Variants in SWAP70 observed in about 807,000 individuals in gnomAD.
SWAP70 encodes the protein switch-associated protein 70.
In SWAP70, 34 loss-of-function variants were observed where a neutral mutation model predicts 80.2. The ratio of observed to expected loss-of-function variants is 0.42; its 90% CI spans 0.32 to 0.56. The LOEUF (loss-of-function observed/expected upper bound fraction) is 0.56, where lower values mean the gene tolerates loss of function less well. Ranked by LOEUF, SWAP70 falls within the 20% of genes least tolerant of loss-of-function variation. SWAP70 has a pLI of 0.09. For missense variants in SWAP70, 578 were observed against 690.7 expected, an observed-to-expected ratio of 0.84 and a Z score of 1.83; for synonymous variants, 239 against 238.5, an observed-to-expected ratio of 1.00 and a Z score of -0.02.
chr11:9,715,628 C>T (rs1335869920), intron 3 of SWAP70, among the ~76,000 whole-genome samples: 1 of 152,206 alleles, frequency 6.6e-6, no homozygotes, highest in Non-Finnish European at 1.5e-5. Flanking sequence ...AAGCATGTCT[C>T]ACATGGTGGC....
Position 9,752,962 on chromosome 11 carries a change from C to A in SWAP70, c.*2992C>A, listed in dbSNP as rs1047180936. 1 of 151,954 alleles carries A rather than the reference C, an allele frequency of 6.6e-6. No homozygotes were observed. The highest frequency in any genetic ancestry group is 2.4e-5 in the African/African-American group (1 of 41,344). 9.4% of individuals were successfully genotyped at this position (151,954 alleles called of 1,614,324 possible). The stretch of plus-strand genomic sequence containing the variant: ...AAAATACCAGAACATACACTTTAAA[C>A]TGTCTGATTTAATAAAACAGTGGGG... On this transcript the variant is annotated 3_prime_UTR_variant, in exon 12 of 12. Coordinates refer to ENST00000318950, the MANE Select transcript of SWAP70 (RefSeq NM_015055.4).
chr11:9,704,257 G>A (rs1195706540), intron 2 of SWAP70, among the ~76,000 whole-genome samples: 2 of 151,950 alleles, frequency 1.3e-5, no homozygotes, highest in Non-Finnish European at 2.9e-5. Flanking sequence ...CAAACACACT[G>A]GTCAATTTAT....
intron 2 of SWAP70, among the ~76,000 whole-genome samples, chr11:9,698,329 G>A (rs1850787678): frequency 1.3e-5 from 2 of 152,010 alleles, no homozygotes; most frequent in South Asian, 4.1e-4. Flanking sequence ...TTAAACTCCT[G>A]ACCTCAGGTG....
chr11:9,732,329 C>T (rs1472015641), intron 6 of SWAP70, among the ~76,000 whole-genome samples, 200 bp from the exon 7 acceptor site: 1 of 151,984 alleles, frequency 6.6e-6, no homozygotes, highest in Non-Finnish European at 1.5e-5. Context: ...GAGGTTATTT[C>T]TTGAGGGGAG....
intron 1 of SWAP70, among the ~76,000 whole-genome samples, chr11:9,690,000 G>A (rs1222756698): frequency 6.6e-6 from 1 of 152,192 alleles, no homozygotes; most frequent in African/African-American, 2.4e-5. Flanking sequence ...AGCAAAGCAT[G>A]GAAAGGACAC....
At position 9,751,721 on chromosome 11, in the gene SWAP70, T is replaced by C. The variant is rs1342036123; in HGVS notation, c.*1751T>C. The C allele has an allele frequency of 6.6e-6, 1 of 152,240 alleles. No individual in the cohort carries two copies. Among genetic ancestry groups the C allele is most frequent in the African/African-American group, 2.4e-5 (1 of 41,464 alleles). 9.4% of individuals were successfully genotyped at this position (152,240 alleles called of 1,614,324 possible). A position where few individuals can be genotyped will look rare whatever the true frequency, so the allele number is the denominator to read the frequency against. On this transcript the variant is annotated 3_prime_UTR_variant, in exon 12 of 12. Coordinates refer to ENST00000318950, the MANE Select transcript of SWAP70 (RefSeq NM_015055.4). ...AACTGGAATATAATCCCATAAATTA[T>C]CACCTTTTATGACTGGAAAATATTT...
intron 9 of SWAP70, among the ~76,000 whole-genome samples, chr11:9,746,487 G>C (rs1444702604): frequency 6.6e-6 from 1 of 152,228 alleles, no homozygotes; most frequent in Non-Finnish European, 1.5e-5. Flanking sequence ...ACTCTGCACT[G>C]GTCAGACCAC....
At chr11:9,706,354 C>T (rs1295840606) in intron 2 of SWAP70, among the ~76,000 whole-genome samples, 1 of 148,440 alleles carries the variant, frequency 6.7e-6, no homozygotes, top group Non-Finnish European at 1.5e-5. Context: ...GATCTGTATA[C>T]ACTGGTGATC....
At chr11:9,668,989 A>G (rs895510771) in intron 1 of SWAP70, among the ~76,000 whole-genome samples, 3 of 152,214 alleles carry the variant, frequency 2.0e-5, no homozygotes, top group Non-Finnish European at 4.4e-5. Context: ...CTCTCTCCAG[A>G]TAGAGATTAT....
intron 1 of SWAP70, among the ~76,000 whole-genome samples, chr11:9,687,152 G>C (rs1005107485): frequency 1.3e-5 from 2 of 152,194 alleles, no homozygotes; most frequent in Non-Finnish European, 2.9e-5. Context: ...ATTCCGTGTA[G>C]AAATAAGGAA....
At chr11:9,738,353 A>C (rs750663994) in intron 8 of SWAP70, 33 bp downstream of exon 8, 49 of 1,528,748 alleles carry the variant, frequency 3.2e-5, no homozygotes, top group Middle Eastern at 1.7e-4. Context: ...AAGCAGCTGC[A>C]GTAGCTCAGC....
At chr11:9,729,615 C>T (rs1281978935) in intron 6 of SWAP70, among the ~76,000 whole-genome samples, 164 bp downstream of exon 6, 1 of 152,080 alleles carries the variant, frequency 6.6e-6, no homozygotes, top group Non-Finnish European at 1.5e-5. Context: ...TATCCTGTCT[C>T]AGCCTCCAGA....
In SWAP70 at chr11:9,724,894, T is replaced by C; in HGVS notation, c.642+9T>C. The C allele has an allele frequency of 6.6e-7, 1 of 1,510,810 alleles. No homozygotes were observed. The allele number at this position is 1,510,810 out of a possible 1,614,324, so 93.6% of individuals were successfully genotyped here. ...TAGATGTGTTAAAGCAGGTAAGAAT[T>C]CTGTTACTGTTTTTTTTTCTCATCT... On this transcript the variant is annotated intron_variant, in intron 4 of 11. Coordinates refer to ENST00000318950, the MANE Select transcript of SWAP70 (RefSeq NM_015055.4).
chr11:9,739,709 A>G (rs1358540252), intron 8 of SWAP70, among the ~76,000 whole-genome samples: 1 of 152,176 alleles, frequency 6.6e-6, no homozygotes, highest in African/African-American at 2.4e-5. Context: ...CAGCCAGGGA[A>G]GTGTGGGAGG....
At chr11:9,736,980 G>A (rs576873799) in intron 7 of SWAP70, among the ~76,000 whole-genome samples, 4 of 152,348 alleles carry the variant, frequency 2.6e-5, no homozygotes, top group Non-Finnish European at 5.9e-5. Context: ...AGGACAGGGT[G>A]GGAGGATCAC....
chr11:9,741,526 C>G (rs1241600141), intron 9 of SWAP70: 16 of 152,020 alleles, frequency 1.1e-4, no homozygotes, highest in Non-Finnish European at 2.2e-4. Flanking sequence ...ACATGACACT[C>G]AACATTTTTT....
chr11:9,745,172 T>C (rs1457679296), intron 9 of SWAP70, among the ~76,000 whole-genome samples: 1 of 152,230 alleles, frequency 6.6e-6, no homozygotes, highest in African/African-American at 2.4e-5. Context: ...GACTGGGCTC[T>C]GGAATGAGGC....
intron 9 of SWAP70, among the ~76,000 whole-genome samples, chr11:9,743,169 G>T (rs1181381823): frequency 2.0e-5 from 3 of 148,080 alleles, no homozygotes; most frequent in African/African-American, 7.6e-5. Flanking sequence ...TTGTTCTTGC[G>T]ATAGTTTACT....
chr11:9,685,914 C>A (rs551251232), intron 1 of SWAP70, among the ~76,000 whole-genome samples: 2 of 152,204 alleles, frequency 1.3e-5, no homozygotes, highest in Non-Finnish European at 2.9e-5. Flanking sequence ...GGATTACAGG[C>A]GTGAGCCATT....
Sources: gnomAD v4.1 joint callset for allele counts (sites outside exome capture counted in the v4.1 genomes callset) on GRCh38, gnomAD v4.1.1 for gene constraint, MANE v1.5 for transcripts, NCBI Gene and HGNC (gene_info 2026-07-23, HGNC 2026-07-21) for gene names.